The following C12orf56 variants were observed in gnomAD, a reference collection of about 807,000 sequenced individuals.
C12orf56 encodes the protein chromosome 12 open reading frame 56.
Under a neutral mutation model 69.9 loss-of-function variants are expected in C12orf56, and 71 were observed. The ratio of observed to expected loss-of-function variants is 1.02; its 90% CI spans 0.84 to 1.24. The LOEUF is 1.24. C12orf56 is among the 50% of genes most tolerant of loss of function. The probability of loss-of-function intolerance (pLI) is 0.00; values close to 1 mark genes in which losing one functional copy is unlikely to be tolerated. For missense variants in C12orf56, 732 were observed against 738.5 expected (o/e 0.99, Z 0.10); for synonymous variants, 276 against 274.1 (o/e 1.01, Z -0.07).
At chr12:64,302,737 G>T (rs1156941832) in intron 6 of C12orf56, among the ~76,000 whole-genome samples, 7 of 152,086 alleles carry the variant, frequency 4.6e-5, no homozygotes, top group African/African-American at 1.7e-4. Context: ...TGAGAATGAG[G>T]TTGCCTTGCC....
At position 64,274,901 on chromosome 12, in the gene C12orf56, G is replaced by A. The variant is rs780186924; in HGVS notation, c.1584C>T (p.Ile528=). Residue 528 remains isoleucine (I), a splice_region_variant and synonymous_variant, in exon 11 of 13, where the codon ATC becomes ATT. Transcript: ENST00000543942. ...TTCGTTTTGACTTCTAGATACTTAC[G>A]ATGGGAGGACAGCTTTGTAGAAAGG... ...IMSFLQSCPP[I]ITFVASIVKQ... 6.9e-6 allele frequency: 11 copies of A among 1,605,276 alleles called. No individual in the cohort carries two copies. Among genetic ancestry groups the A allele is most frequent in the Middle Eastern group, 1.7e-4 (1 of 6,044 alleles).
At chr12:64,332,045 T>A (rs2038937536) in intron 2 of C12orf56, among the ~76,000 whole-genome samples, 1 of 151,942 alleles carries the variant, frequency 6.6e-6, no homozygotes, top group African/African-American at 2.4e-5. Flanking sequence ...TGACTCACAC[T>A]TGTAATTACA....
intron 1 of C12orf56, among the ~76,000 whole-genome samples, chr12:64,386,044 G>A (rs1284440080): frequency 6.6e-6 from 1 of 151,996 alleles, no homozygotes; most frequent in Non-Finnish European, 1.5e-5. Context: ...GGAAGCTTTA[G>A]GGGAAAATCC....
At chr12:64,377,208 T>C (rs1019729085) in intron 1 of C12orf56, among the ~76,000 whole-genome samples, 1 of 150,710 alleles carries the variant, frequency 6.6e-6, no homozygotes, top group Non-Finnish European at 1.5e-5. Flanking sequence ...TTTTTTTTTT[T>C]TTTGAGGAGT....
chr12:64,310,182 T>A (rs933784403), intron 5 of C12orf56, among the ~76,000 whole-genome samples: 1 of 151,916 alleles, frequency 6.6e-6, no homozygotes, highest in African/African-American at 2.4e-5. Context: ...ATTTTTAAAT[T>A]TTTTTGTAGA....
intron 3 of C12orf56, among the ~76,000 whole-genome samples, chr12:64,328,694 AAAAAAAAAAAAAATATATATATATAT>A (rs2038878843): frequency 5.5e-5 from 1 of 18,042 alleles, no homozygotes; most frequent in African/African-American, 2.0e-4. Flanking sequence ...AAAAAAAAAA[AAAAAAAAAAAAAATATATATATATAT>A]ATATATATAT....
At chr12:64,367,895 C>T (rs377211716) in intron 1 of C12orf56, among the ~76,000 whole-genome samples, 206 of 151,406 alleles carry the variant, frequency 1.4e-3, no homozygotes, top group African/African-American at 4.7e-3. Flanking sequence ...GCAACCTCTA[C>T]CTCCCGGGTT....
chr12:64,338,551 G>A, intron 2 of C12orf56: 2 of 1,455,548 alleles, frequency 1.4e-6, no homozygotes. Context: ...TGAGGACTTT[G>A]AGTCTTGCTT....
chr12:64,376,726 C>T (rs2039646878), intron 1 of C12orf56, among the ~76,000 whole-genome samples: 1 of 149,702 alleles, frequency 6.7e-6, no homozygotes, highest in African/African-American at 2.5e-5. Flanking sequence ...GTTTTCTGTT[C>T]CTGCATTAAT....
rs144934710 is a variant in C12orf56 at position 64,274,717 on chromosome 12, A to G, written c.1584+184T>C. Among the ~76,000 whole-genome samples, 260 of 152,360 alleles carry G rather than the reference A, an allele frequency of 1.7e-3. 1 individual carries two copies. The highest frequency in any genetic ancestry group is 5.9e-3 in the African/African-American group (244 of 41,588). ...TTAAGATATAATTTCAGTACCTTAA[A>G]CATTCAGGTCCAAAATGTAAAAACG... On this transcript the variant is annotated intron_variant, in intron 11 of 12. Coordinates refer to ENST00000543942, the MANE Select transcript of C12orf56 (RefSeq NM_001170633.2).
intron 2 of C12orf56, among the ~76,000 whole-genome samples, chr12:64,343,209 T>C (rs2039097483): frequency 6.6e-6 from 1 of 152,164 alleles, no homozygotes; most frequent in Admixed American, 6.5e-5. Flanking sequence ...CTAGAAATTT[T>C]ACCGAGGTAG....
At chr12:64,346,274 A>G (rs2039140568) in intron 2 of C12orf56, among the ~76,000 whole-genome samples, 1 of 152,148 alleles carries the variant, frequency 6.6e-6, no homozygotes, top group African/African-American at 2.4e-5. Flanking sequence ...AGCATCCAGC[A>G]CAGGAGAAAG....
In C12orf56 at chr12:64,271,871, A is replaced by G. The variant is rs565944176; in HGVS notation, c.1585-1157T>C. On this transcript the variant is annotated intron_variant, in intron 11 of 12. Transcript: ENST00000543942. Reference sequence around the variant, plus strand: ...TGAGAGCTGACTGACATGCAGGTGCATAGCAATGATCCCAGTTTCTTTGCT... The same window carrying G: ...TGAGAGCTGACTGACATGCAGGTGCGTAGCAATGATCCCAGTTTCTTTGCT... Among the ~76,000 whole-genome samples the G allele has an allele frequency of 1.3e-4, 20 of 152,350 alleles. No homozygotes were observed. In the South Asian group the frequency reaches 4.1e-3, roughly 32 times the overall value.
chr12:64,369,712 G>A (rs932885526), intron 1 of C12orf56, among the ~76,000 whole-genome samples: 1 of 151,996 alleles, frequency 6.6e-6, no homozygotes, highest in African/African-American at 2.4e-5. Context: ...GCCAGACATG[G>A]TGGCTCACGC....
intron 1 of C12orf56, among the ~76,000 whole-genome samples, chr12:64,357,419 CTT>C (rs34572710): frequency 3.6e-5 from 5 of 140,092 alleles, no homozygotes; most frequent in East Asian, 4.1e-4. Context: ...TTTTTTCTTT[CTT>C]TTTTTTTTTG....
At chr12:64,297,377 T>G (rs2038380337) in intron 6 of C12orf56, among the ~76,000 whole-genome samples, 1 of 131,642 alleles carries the variant, frequency 7.6e-6, no homozygotes, top group African/African-American at 2.7e-5. Flanking sequence ...ATAGAGAGAC[T>G]ACCCATTTAC....
At chr12:64,338,168 A>G in intron 2 of C12orf56, 1 of 573,644 alleles carries the variant, frequency 1.7e-6, no homozygotes, top group South Asian at 1.4e-5. Context: ...CACCTCCCGA[A>G]GGCTTAGTCC....
chr12:64,279,983 T>C (rs1021834561), intron 8 of C12orf56, among the ~76,000 whole-genome samples: 1 of 149,724 alleles, frequency 6.7e-6, no homozygotes, highest in African/African-American at 2.4e-5. Flanking sequence ...AAAAGAACTC[T>C]CAAATTATGG....
At chr12:64,333,976 C>T (rs2038962544) in intron 2 of C12orf56, among the ~76,000 whole-genome samples, 1 of 152,154 alleles carries the variant, frequency 6.6e-6, no homozygotes, top group Non-Finnish European at 1.5e-5. Flanking sequence ...GACAAAAGAG[C>T]CTGAGTGTAG....
Sources: gnomAD v4.1 joint callset for allele counts (sites outside exome capture counted in the v4.1 genomes callset) on GRCh38, gnomAD v4.1.1 for gene constraint, MANE v1.5 for transcripts, NCBI Gene and HGNC (gene_info 2026-07-23, HGNC 2026-07-21) for gene names.